UPF3A: variants seen among roughly 807,000 people sequenced by gnomAD.
The protein encoded by UPF3A is UPF3A regulator of nonsense mediated mRNA decay.
Under a neutral mutation model 53.5 loss-of-function variants are expected in UPF3A, and 42 were observed. That is an observed-to-expected ratio of 0.78 (90% CI 0.61 to 1.01). The LOEUF (loss-of-function observed/expected upper bound fraction) is 1.01, where lower values mean the gene tolerates loss of function less well. Ranked by LOEUF, UPF3A falls within the 50% of genes least tolerant of loss-of-function variation. UPF3A has a pLI of 0.00. For missense variants in UPF3A, 575 were observed against 598.0 expected, an observed-to-expected ratio of 0.96 and a Z score of 0.40; for synonymous variants, 237 against 225.3, an observed-to-expected ratio of 1.05 and a Z score of -0.47.
intron 3 of UPF3A, among the ~76,000 whole-genome samples, chr13:114,284,605 A>G (rs887713901): frequency 1.3e-5 from 2 of 151,746 alleles, no homozygotes; most frequent in African/African-American, 4.8e-5. Context: ...AGACTGAGGC[A>G]TGAGACTCAC....
At position 114,282,955 on chromosome 13, in the gene UPF3A, G is replaced by C; in HGVS notation, c.421+12G>C. ...CCTTGACAGCAAAGGTTGGATTATT[G>C]GTTTTTAAAAATCTATTATAATCTG... On this transcript the variant is annotated intron_variant, in intron 3 of 9. Coordinates refer to ENST00000375299, the MANE Select transcript of UPF3A (RefSeq NM_023011.4). The C allele has an allele frequency of 3.8e-6, 6 of 1,563,450 alleles. No homozygotes were observed. Among genetic ancestry groups the C allele is most frequent in the Non-Finnish European group, 5.3e-6 (6 of 1,140,642 alleles).
intron 7 of UPF3A, among the ~76,000 whole-genome samples, chr13:114,294,887 C>T (rs1422424981): frequency 1.1e-4 from 16 of 150,578 alleles, no homozygotes; most frequent in South Asian, 8.4e-4. Flanking sequence ...CCGAGGTGGG[C>T]GGATCATTAG....
At chr13:114,294,803 C>T (rs184852724) in intron 7 of UPF3A, among the ~76,000 whole-genome samples, 25 of 150,654 alleles carry the variant, frequency 1.7e-4, no homozygotes, top group African/African-American at 2.2e-4. Context: ...CCAGCCTGGG[C>T]GACAGAGCGA....
chr13:114,290,410 G>A (rs944912847), intron 5 of UPF3A, among the ~76,000 whole-genome samples: 3 of 151,696 alleles, frequency 2.0e-5, no homozygotes, highest in Non-Finnish European at 4.4e-5. Context: ...CAGTTTTCAG[G>A]TACATCCAGG....
At chr13:114,286,060 G>T (rs2084654414) in intron 3 of UPF3A, 1 of 480,736 alleles carries the variant, frequency 2.1e-6, no homozygotes, top group Non-Finnish European at 3.7e-6. Flanking sequence ...CTTACCAGGA[G>T]TTCATCCTTG....
At chr13:114,284,163 A>C (rs1193237782) in intron 3 of UPF3A, 1 of 711,452 alleles carries the variant, frequency 1.4e-6, no homozygotes, top group African/African-American at 1.9e-5. Flanking sequence ...GGAGTTCGAG[A>C]CCGGCCTGAG....
Position 114,298,951 on chromosome 13 carries a change from G to A in UPF3A, c.958G>A (p.Val320Ile), listed in dbSNP as rs764287690. 1.2e-6 allele frequency: 2 copies of A among 1,610,792 alleles called. No homozygotes were observed. Among genetic ancestry groups the A allele is most frequent in the East Asian group, 2.2e-5 (1 of 44,752 alleles). ...GCAGGAATCCTGTGCCCCCGGTGCAGTCGTAAAAGCCAGGCCCATGGAAGG... is the reference window on the plus strand; with the variant it reads ...GCAGGAATCCTGTGCCCCCGGTGCAATCGTAAAAGCCAGGCCCATGGAAGG... ...GKQESCAPGA[V>I]VKARPMEGSL... The change falls in exon 8 of 10, where the codon GTC (valine) becomes ATC (isoleucine). Residue 320 changes from valine to isoleucine, a missense_variant. Transcript: ENST00000375299.
At chr13:114,296,444 G>A (rs567736374) in intron 7 of UPF3A, among the ~76,000 whole-genome samples, 1 of 152,236 alleles carries the variant, frequency 6.6e-6, no homozygotes, top group South Asian at 2.1e-4. Context: ...TGCTGGGAGG[G>A]TTACTGCATG....
chr13:114,298,209 T>C (rs1188281302), intron 7 of UPF3A, among the ~76,000 whole-genome samples: 1 of 151,650 alleles, frequency 6.6e-6, no homozygotes, highest in Admixed American at 6.6e-5. Context: ...CCGTCTCTAC[T>C]AAAAATACAA....
In UPF3A at chr13:114,296,315, G is replaced by A. The variant is rs539820723; in HGVS notation, c.847-2525G>A. On this transcript the variant is annotated intron_variant, in intron 7 of 9. Transcript: ENST00000375299. ...GAAGAATCGCTTGAACCCAGGAGGC[G>A]AAGGTACAGTGAGCCGAGATCGCGT... 1.6e-4 allele frequency among the ~76,000 whole-genome samples: 25 copies of A among 152,272 alleles called. No homozygotes were observed. The East Asian group carries it at 3.7e-3, about 22-fold the overall frequency.
At position 114,282,741 on chromosome 13, in the gene UPF3A, A is replaced by G. The variant is rs377518341; in HGVS notation, c.315-96A>G. 2.8e-5 allele frequency: 42 copies of G among 1,521,158 alleles called. No individual in the cohort carries two copies. In the South Asian group the frequency reaches 4.2e-4, roughly 15 times the overall value. 94.2% of individuals were successfully genotyped at this position (1,521,158 alleles called of 1,614,324 possible). On this transcript the variant is annotated intron_variant, in intron 2 of 9. Transcript: ENST00000375299. ...ATGATTTGGCACAAAAGTTTTATCT[A>G]AAGTAGTTTGTTGTGCCCAGAAAAG...
chr13:114,288,476 C>T (rs1180316343), intron 5 of UPF3A, among the ~76,000 whole-genome samples: 1 of 152,224 alleles, frequency 6.6e-6, no homozygotes, highest in African/African-American at 2.4e-5. Flanking sequence ...GCTGCTGTCG[C>T]TTTTCACTGC....
rs746173465 is a variant in UPF3A at position 114,298,888 on chromosome 13, A to T, written c.895A>T (p.Lys299Ter). 2 of 1,599,678 alleles carry T rather than the reference A, an allele frequency of 1.3e-6. No individual in the cohort carries two copies. The highest frequency in any genetic ancestry group is 1.7e-6 in the Non-Finnish European group (2 of 1,174,402). ...AGAGGAACCAACCACAGAGAAACCA[A>T]AAGAAAGAGGAGAGGAGATTGATAC... The part of the protein sequence containing the change: ...KGEEPTTEKP[K>*]ERGEEIDTGG... The change falls in exon 8 of 10, where the codon AAA (lysine) becomes TAA (stop). Residue 299 changes from lysine (K) to a stop codon, truncating the protein, a stop_gained. Transcript: ENST00000375299. LOFTEE classifies it high-confidence loss of function.
At position 114,283,093 on chromosome 13, in the gene UPF3A, G is replaced by C. The variant is rs147404070; in HGVS notation, c.421+150G>C. On this transcript the variant is annotated intron_variant, in intron 3 of 9. Coordinates refer to ENST00000375299, the MANE Select transcript of UPF3A (RefSeq NM_023011.4). Reference sequence around the variant, plus strand: ...GCTGGAGTGCAGCAGCCGCAATCACGGCTCACTGCAGCCTCACACTGCGGC... The same window carrying C: ...GCTGGAGTGCAGCAGCCGCAATCACCGCTCACTGCAGCCTCACACTGCGGC... The C allele has an allele frequency of 1.8e-5, 11 of 595,482 alleles. No homozygotes were observed. The African/African-American group carries it at 1.9e-4, about 10-fold the overall frequency. The allele number at this position is 595,482 out of a possible 1,614,324, so 36.9% of individuals were successfully genotyped here.
Position 114,291,784 on chromosome 13 carries a change from A to C in UPF3A, c.838A>C (p.Arg280=). The C allele has an allele frequency of 1.3e-6, 2 of 1,591,540 alleles. No homozygotes were observed. Among genetic ancestry groups the C allele is most frequent in the African/African-American group, 2.7e-5 (2 of 73,596 alleles). Residue 280 remains arginine (R), a synonymous_variant, in exon 7 of 10, where the codon AGG becomes CGG. Transcript: ENST00000375299. ...KQKKIAEKEV[R]IKLLKKPEKG... is the part of the protein sequence containing the mutation. ...GAAGAAAATTGCAGAGAAAGAAGTA[A>C]GGATTAAGGTAATTCTGAGGAAACA...
chr13:114,283,730 CCTTATCAGTACTTCT>C, intron 3 of UPF3A: 1 of 984,208 alleles, frequency 1.0e-6, no homozygotes, highest in Non-Finnish European at 1.2e-6. Context: ...TCAATAGTTC[CCTTATCAGTACTTCT>C]AGGGTTCTGC....
intron 7 of UPF3A, among the ~76,000 whole-genome samples, chr13:114,294,115 G>GT (rs577351844): frequency 9.9e-5 from 15 of 152,280 alleles, no homozygotes; most frequent in African/African-American, 3.6e-4. Flanking sequence ...TCTGTGCTCA[G>GT]TATGGGGGTC....
At chr13:114,286,655 T>C (rs1386068330) in intron 5 of UPF3A, 26 bp downstream of exon 5, 1 of 1,558,570 alleles carries the variant, frequency 6.4e-7, no homozygotes, top group Non-Finnish European at 8.7e-7. Context: ...TTCTTCTCTT[T>C]TCTTTATTGA....
At chr13:114,295,066 T>C (rs1283840508) in intron 7 of UPF3A, among the ~76,000 whole-genome samples, 29 of 138,684 alleles carry the variant, frequency 2.1e-4, no homozygotes, top group African/African-American at 6.6e-4. Flanking sequence ...GAGCCAAGAT[T>C]GCGCCACTGC....
Sources: allele counts gnomAD v4.1 joint callset (sites outside exome capture counted in the v4.1 genomes callset), GRCh38; gene constraint gnomAD v4.1.1; transcripts MANE v1.5; gene names NCBI Gene and HGNC (gene_info 2026-07-23, HGNC 2026-07-21).